Variants in TFCP2 observed in about 807,000 individuals in gnomAD.
TFCP2 encodes transcription factor CP2.
Under a neutral mutation model 73.4 loss-of-function variants are expected in TFCP2, and 33 were observed. The ratio of observed to expected loss-of-function variants is 0.45; its 90% CI spans 0.34 to 0.60. The LOEUF (loss-of-function observed/expected upper bound fraction) is 0.60. TFCP2 is among the 20% of genes least tolerant of loss of function. The pLI, the probability that TFCP2 is intolerant of heterozygous loss-of-function variation, is 0.01. For synonymous variants in TFCP2, 193 were observed against 211.6 expected (o/e 0.91, Z 0.76); for missense variants, 352 against 604.0 (o/e 0.58, Z 4.37).
At chr12:51,128,055 G>C (rs969696255) in intron 1 of TFCP2, among the ~76,000 whole-genome samples, 1 of 152,036 alleles carries the variant, frequency 6.6e-6, no homozygotes, top group South Asian at 2.1e-4. Context: ...GAGTAGCTGG[G>C]ATTACATGTG....
At chr12:51,168,534 G>A (rs2137052794) in intron 1 of TFCP2, among the ~76,000 whole-genome samples, 1 of 152,134 alleles carries the variant, frequency 6.6e-6, no homozygotes, top group Non-Finnish European at 1.5e-5. Context: ...ACCCAAGCTG[G>A]AGTGCAGAGG....
rs1428598830 is a variant in TFCP2 at position 51,106,823 on chromosome 12, C to G, written c.829-210G>C. 3 of 526,636 alleles carry G rather than the reference C, an allele frequency of 5.7e-6. No homozygotes were observed. In the African/African-American group the frequency reaches 5.9e-5, roughly 10 times the overall value. The allele number at this position is 526,636 out of a possible 1,614,324, so 32.6% of individuals were successfully genotyped here. A position where few individuals can be genotyped will look rare whatever the true frequency, so the allele number is the denominator to read the frequency against. ...ATAGGACTTCTAAAAAGAAATAAGT[C>G]TAGAAAACTACGGTCCCAGGCCATT... On this transcript the variant is annotated intron_variant, in intron 7 of 14. Transcript: ENST00000257915.
At position 51,104,044 on chromosome 12, in the gene TFCP2, TAATG is replaced by T. The variant is rs1940173887; in HGVS notation, c.966+107_966+110del. The T allele has an allele frequency of 1.2e-5, 13 of 1,099,066 alleles. No homozygotes were observed. In the Admixed American group the frequency reaches 1.6e-4, roughly 13 times the overall value. 68.1% of individuals were successfully genotyped at this position (1,099,066 alleles called of 1,614,324 possible). On this transcript the variant is annotated intron_variant, in intron 9 of 14. Coordinates refer to ENST00000257915, the MANE Select transcript of TFCP2 (RefSeq NM_005653.5). The stretch of plus-strand genomic sequence containing the variant: ...AGTCAAAATTCAATAAATGTTTGTT[TAATG>T]AATGAATGAATAATACTCCCTAAAA...
chr12:51,145,007 C>T (rs1941263150), intron 1 of TFCP2, among the ~76,000 whole-genome samples: 1 of 152,094 alleles, frequency 6.6e-6, no homozygotes, highest in Non-Finnish European at 1.5e-5. Flanking sequence ...TCGAGACCAG[C>T]CTGGCTAACA....
At chr12:51,125,352 T>C (rs1468715351) in intron 1 of TFCP2, 9 of 497,204 alleles carry the variant, frequency 1.8e-5, no homozygotes, top group Non-Finnish European at 3.6e-5. Context: ...ACAGGTCTCC[T>C]GCAACAGCTA....
chr12:51,116,368 TGATGC>T lies in TFCP2; in HGVS notation c.399_403del (p.His134AlafsTer16). ...GTTCCACCTCCAGCCCTCTAGCTGC[TGATGC>T]TCAGTGTACTGAAGCCTTCTGTCAT... On this transcript the variant is annotated frameshift_variant, in exon 4 of 15. Transcript: ENST00000257915. LOFTEE classifies it high-confidence loss of function. The T allele has an allele frequency of 6.2e-7, 1 of 1,610,366 alleles. No homozygotes were observed. The highest frequency in any genetic ancestry group is 8.5e-7 in the Non-Finnish European group (1 of 1,177,788).
chr12:51,128,074 C>G (rs1490311058), intron 1 of TFCP2, among the ~76,000 whole-genome samples: 2 of 151,976 alleles, frequency 1.3e-5, no homozygotes, highest in African/African-American at 4.8e-5. Flanking sequence ...TGTGCACCAC[C>G]ATGCCCAGCT....
intron 1 of TFCP2, among the ~76,000 whole-genome samples, chr12:51,157,830 A>G (rs1941570969): frequency 6.6e-6 from 1 of 151,456 alleles, no homozygotes; most frequent in African/African-American, 2.4e-5. Flanking sequence ...AGCTGGGATC[A>G]TAGGCGTGTA....
intron 1 of TFCP2, among the ~76,000 whole-genome samples, chr12:51,153,293 T>G (rs1424248235): frequency 6.6e-6 from 1 of 152,152 alleles, no homozygotes; most frequent in African/African-American, 2.4e-5. Context: ...GGGGAATAAC[T>G]TGGGCCCAGG....
chr12:51,124,977 A>T, intron 1 of TFCP2: 1 of 738,028 alleles, frequency 1.4e-6, no homozygotes. Context: ...CTGCCTGGAG[A>T]CCAGCTCTCT....
chr12:51,154,396 T>C (rs1941494695), intron 1 of TFCP2, among the ~76,000 whole-genome samples: 1 of 152,172 alleles, frequency 6.6e-6, no homozygotes, highest in Non-Finnish European at 1.5e-5. Flanking sequence ...TATATGGTAA[T>C]AAATTATATA....
chr12:51,117,662 T>G lies in TFCP2; in HGVS notation c.351+9A>C, dbSNP rs780435766. ...AATATTGTACAGAAGAATGATTTAT[T>G]CGTTTTACCTTCACCAATTTGCCAT... On this transcript the variant is annotated intron_variant, in intron 3 of 14. Transcript: ENST00000257915. 6.2e-7 allele frequency: 1 copy of G among 1,601,362 alleles called. No homozygotes were observed. The highest frequency in any genetic ancestry group is 1.3e-5 in the African/African-American group (1 of 74,762).
Position 51,107,229 on chromosome 12 carries a change from T to C in TFCP2, c.828+7A>G, listed in dbSNP as rs1213441784. 6.3e-7 allele frequency: 1 copy of C among 1,583,702 alleles called. No individual in the cohort carries two copies. Among genetic ancestry groups the C allele is most frequent in the African/African-American group, 1.4e-5 (1 of 72,962 alleles). On this transcript the variant is annotated splice_region_variant and intron_variant, in intron 7 of 14. Coordinates refer to ENST00000257915, the MANE Select transcript of TFCP2 (RefSeq NM_005653.5). ...ACTGAAATTGTCACCAAAAGAAATCTTTTTACCTCTGTGAGTATGGTTGTC... is the reference window on the plus strand; with the variant it reads ...ACTGAAATTGTCACCAAAAGAAATCCTTTTACCTCTGTGAGTATGGTTGTC...
intron 1 of TFCP2, among the ~76,000 whole-genome samples, chr12:51,151,309 TA>T (rs1474580811): frequency 3.9e-5 from 6 of 152,300 alleles, no homozygotes; most frequent in African/African-American, 1.4e-4. Context: ...AGGAGAAAAG[TA>T]GCATGATCTG....
At chr12:51,112,665 G>A (rs768945603) in intron 4 of TFCP2, among the ~76,000 whole-genome samples, 3 of 151,992 alleles carry the variant, frequency 2.0e-5, no homozygotes, top group Non-Finnish European at 4.4e-5. Context: ...TCAGGAGTTC[G>A]AGACCAGCCT....
chr12:51,107,455 G>A (rs1481749555), intron 6 of TFCP2, 109 bp from the exon 7 acceptor site: 12 of 810,822 alleles, frequency 1.5e-5, no homozygotes, highest in Non-Finnish European at 2.3e-5. Flanking sequence ...TATGTGCAGT[G>A]ATGTAAAGGC....
chr12:51,109,384 C>CTGG, intron 5 of TFCP2, 111 bp from the exon 6 acceptor site: 1 of 1,015,746 alleles, frequency 9.8e-7, no homozygotes, highest in Non-Finnish European at 1.4e-6. Flanking sequence ...TTATGAATAC[C>CTGG]TACAAAAAAC....
chr12:51,161,726 G>A (rs1941653229), intron 1 of TFCP2, among the ~76,000 whole-genome samples: 1 of 125,880 alleles, frequency 7.9e-6, no homozygotes, highest in African/African-American at 3.0e-5. Context: ...TCGCACCACT[G>A]CACTCCAGCC....
At chr12:51,122,248 CTTTT>C (rs1940696893) in intron 1 of TFCP2, among the ~76,000 whole-genome samples, 1 of 121,190 alleles carries the variant, frequency 8.3e-6, no homozygotes, top group Admixed American at 8.5e-5. Context: ...TATTTTTTTT[CTTTT>C]CTTTTTTTTT....
Sources: gnomAD v4.1 joint callset for allele counts (sites outside exome capture counted in the v4.1 genomes callset) on GRCh38, gnomAD v4.1.1 for gene constraint, MANE v1.5 for transcripts, NCBI Gene and HGNC (gene_info 2026-07-23, HGNC 2026-07-21) for gene names.